Variants in CLIC4 observed in about 807,000 individuals in gnomAD.
CLIC4 encodes chloride intracellular channel protein 4.
Under a neutral mutation model 24.6 loss-of-function variants are expected in CLIC4, and 13 were observed. The observed-to-expected ratio is 0.53, with a 90% confidence interval of 0.34 to 0.84. The LOEUF is 0.84. Among genes scored for constraint, CLIC4 ranks in the 40% least tolerant of loss-of-function variants. The pLI is 0.01. For missense variants in CLIC4, 227 were observed against 301.7 expected (o/e 0.75, Z 1.83); for synonymous variants, 104 against 111.3 (o/e 0.93, Z 0.41).
chr1:24,819,655 T>C (rs894204834), intron 3 of CLIC4, among the ~76,000 whole-genome samples: 1 of 152,026 alleles, frequency 6.6e-6, no homozygotes, highest in African/African-American at 2.4e-5. Flanking sequence ...GCCAGGCTGG[T>C]CTCGAACTCT....
chr1:24,806,068 C>T (rs748842723), intron 2 of CLIC4, among the ~76,000 whole-genome samples: 2 of 152,100 alleles, frequency 1.3e-5, no homozygotes, highest in Non-Finnish European at 2.9e-5. Flanking sequence ...CTTGATGTCA[C>T]GTAAGGGAAA....
At chr1:24,805,604 A>G (rs1639541915) in intron 2 of CLIC4, among the ~76,000 whole-genome samples, 1 of 152,084 alleles carries the variant, frequency 6.6e-6, no homozygotes, top group Non-Finnish European at 1.5e-5. Flanking sequence ...TCTGGAGAAA[A>G]AAGGAGCTCC....
intron 1 of CLIC4, among the ~76,000 whole-genome samples, chr1:24,749,674 C>T (rs893413496): frequency 2.0e-5 from 3 of 152,112 alleles, no homozygotes; most frequent in Non-Finnish European, 4.4e-5. Flanking sequence ...GTAAAAAAGG[C>T]AGCTGGGCTG....
chr1:24,815,110 TAA>T (rs1280337822), intron 3 of CLIC4, among the ~76,000 whole-genome samples: 2 of 152,204 alleles, frequency 1.3e-5, no homozygotes, highest in African/African-American at 4.8e-5. Context: ...CCAGTGCATG[TAA>T]AAGTTATATT....
At chr1:24,802,402 T>A (rs1335574622) in intron 2 of CLIC4, among the ~76,000 whole-genome samples, 1 of 152,162 alleles carries the variant, frequency 6.6e-6, no homozygotes, top group Non-Finnish European at 1.5e-5. Context: ...AAGTGGCGCA[T>A]GGGAGGTAGG....
At position 24,745,621 on chromosome 1, in the gene CLIC4, T is replaced by C. The variant is rs1466917369; in HGVS notation, c.68T>C (p.Val23Ala). The C allele has an allele frequency of 1.3e-6, 2 of 1,565,566 alleles. No individual in the cohort carries two copies. Among genetic ancestry groups the C allele is most frequent in the East Asian group, 2.5e-5 (1 of 40,650 alleles). ...AAAGAGCCCCTCATCGAGCTCTTCGTCAAGGTGAGCGCTCGCCTCGCGGTC... is the reference window on the plus strand; with the variant it reads ...AAAGAGCCCCTCATCGAGCTCTTCGCCAAGGTGAGCGCTCGCCTCGCGGTC... ...EDKEPLIELF[V>A]KAGSDGESIG... The change falls in exon 1 of 6, where the codon GTC becomes GCC. Residue 23 changes from valine (V) to alanine (A), a missense_variant. Val to Ala is a moderately conservative substitution (Grantham distance 64, BLOSUM62 0). Coordinates refer to ENST00000374379, the MANE Select transcript of CLIC4 (RefSeq NM_013943.3).
At chr1:24,746,210 G>C (rs1458510318) in intron 1 of CLIC4, among the ~76,000 whole-genome samples, 1 of 152,222 alleles carries the variant, frequency 6.6e-6, no homozygotes, top group African/African-American at 2.4e-5. Context: ...AAAAGACCGA[G>C]ATTCCCAACT....
chr1:24,787,825 G>A (rs577792351), intron 1 of CLIC4, among the ~76,000 whole-genome samples: 170 of 141,884 alleles, frequency 1.2e-3, no homozygotes, highest in Non-Finnish European at 1.7e-3. Flanking sequence ...GATTACAGGC[G>A]TGAGTCACCG....
chr1:24,757,220 G>A (rs1432344765), intron 1 of CLIC4, among the ~76,000 whole-genome samples: 2 of 152,018 alleles, frequency 1.3e-5, no homozygotes, highest in South Asian at 2.1e-4. Context: ...TAGTAGAGAC[G>A]GGGTTTCACC....
chr1:24,786,774 C>T (rs1170105952), intron 1 of CLIC4, among the ~76,000 whole-genome samples: 1 of 151,976 alleles, frequency 6.6e-6, no homozygotes, highest in Non-Finnish European at 1.5e-5. Flanking sequence ...CCCACCACCA[C>T]ACCCGGCTAA....
intron 1 of CLIC4, among the ~76,000 whole-genome samples, chr1:24,768,556 A>G (rs2124098804): frequency 6.6e-6 from 1 of 152,190 alleles, no homozygotes; most frequent in South Asian, 2.1e-4. Context: ...TCTAGACTCT[A>G]TCTAAGATTA....
chr1:24,784,443 A>G lies in CLIC4; in HGVS notation c.73-13299A>G, dbSNP rs1639241334. ...CTCTGCTGAGCAAGAGGATATCAGG[A>G]TTAACTAGATTAATACATGTGAAGA... On this transcript the variant is annotated intron_variant, in intron 1 of 5. Transcript: ENST00000374379. 2.0e-5 allele frequency among the ~76,000 whole-genome samples: 3 copies of G among 152,194 alleles called. No homozygotes were observed. The South Asian group carries it at 6.2e-4, about 32-fold the overall frequency.
chr1:24,791,494 C>A (rs192515204), intron 1 of CLIC4, among the ~76,000 whole-genome samples: 11 of 152,212 alleles, frequency 7.2e-5, no homozygotes, highest in Admixed American at 5.9e-4. Flanking sequence ...AATGCCAGGA[C>A]TTTGGGAGGC....
Position 24,841,034 on chromosome 1 carries a change from C to T in CLIC4, c.*97C>T. 1 of 1,002,224 alleles carries T rather than the reference C, an allele frequency of 1.0e-6. No individual in the cohort carries two copies. The highest frequency in any genetic ancestry group is 1.6e-5 in the African/African-American group (1 of 61,130). 62.1% of individuals were successfully genotyped at this position (1,002,224 alleles called of 1,614,324 possible). A position where few individuals can be genotyped will look rare whatever the true frequency, so the allele number is the denominator to read the frequency against. The stretch of plus-strand genomic sequence containing the variant: ...CCTGTAGAGCAGAAATTGTATTTTG[C>T]ACGAACATGCAGTTATTGAAGATTA... On this transcript the variant is annotated 3_prime_UTR_variant, in exon 6 of 6. Coordinates refer to ENST00000374379, the MANE Select transcript of CLIC4 (RefSeq NM_013943.3).
At chr1:24,787,989 G>A (rs554324506) in intron 1 of CLIC4, among the ~76,000 whole-genome samples, 1 of 152,064 alleles carries the variant, frequency 6.6e-6, no homozygotes, top group African/African-American at 2.4e-5. Context: ...CCAAGTAGCT[G>A]GGATTACAGG....
chr1:24,788,573 T>C (rs1313220915), intron 1 of CLIC4, among the ~76,000 whole-genome samples: 8 of 152,234 alleles, frequency 5.3e-5, no homozygotes. Context: ...AGCTGTGATA[T>C]GTGGTGTTTT....
intron 1 of CLIC4, among the ~76,000 whole-genome samples, chr1:24,779,225 G>A (rs1370583299): frequency 1.3e-5 from 2 of 152,268 alleles, no homozygotes; most frequent in Non-Finnish European, 2.9e-5. Context: ...CTCCCAGCAC[G>A]TTGGGAGGCC....
chr1:24,829,372 G>A (rs1639817863), intron 4 of CLIC4, among the ~76,000 whole-genome samples: 1 of 152,168 alleles, frequency 6.6e-6, no homozygotes, highest in Non-Finnish European at 1.5e-5. Context: ...AGAATAAAGG[G>A]AGAGACACTG....
chr1:24,753,810 C>G (rs891924692), intron 1 of CLIC4, among the ~76,000 whole-genome samples: 1 of 152,086 alleles, frequency 6.6e-6, no homozygotes. Context: ...ATGGATTGTA[C>G]AGATGGACTG....
Sources: allele counts gnomAD v4.1 joint callset (sites outside exome capture counted in the v4.1 genomes callset), GRCh38; gene constraint gnomAD v4.1.1; transcripts MANE v1.5; gene names NCBI Gene and HGNC (gene_info 2026-07-23, HGNC 2026-07-21).